NECTIN1: variants seen among roughly 807,000 people sequenced by gnomAD.
NECTIN1 encodes nectin cell adhesion molecule 1.
A neutral mutation model predicts 48.0 loss-of-function variants in NECTIN1; 23 were observed. The ratio of observed to expected loss-of-function variants is 0.48; its 90% confidence interval spans 0.34 to 0.68. NECTIN1 has a LOEUF of 0.68. Among genes scored for constraint, NECTIN1 ranks in the 30% least tolerant of loss-of-function variants. The pLI is 0.01. For missense variants in NECTIN1, 591 were observed against 709.9 expected, an observed-to-expected ratio of 0.83 and a Z score of 1.90; for synonymous variants, 270 against 288.9, an observed-to-expected ratio of 0.93 and a Z score of 0.66.
In NECTIN1 at chr11:119,716,896, TACAC is replaced by T. The variant is rs1865752162; in HGVS notation, c.79+11575_79+11578del. Among the ~76,000 whole-genome samples, 3 of 152,322 alleles carry T rather than the reference TACAC, an allele frequency of 2.0e-5. No homozygotes were observed. The South Asian group carries it at 6.2e-4, about 32-fold the overall frequency. On this transcript the variant is annotated intron_variant, in intron 1 of 5. Transcript: ENST00000264025. ...CACACACACACAGCACGTGACCTCA[TACAC>T]GCACACACACCATAAACCTTCCTCA... is the stretch of plus-strand genomic sequence containing the variant.
chr11:119,639,962 C>T, exon 6 of NECTIN1: 3 of 1,614,066 alleles, frequency 1.9e-6, no homozygotes, highest in Non-Finnish European at 2.5e-6. Flanking sequence ...GCCACGGTGC[C>T]CGCCAGGAGC....
At chr11:119,685,031 C>T (rs912297399) in intron 1 of NECTIN1, among the ~76,000 whole-genome samples, 5 of 152,212 alleles carry the variant, frequency 3.3e-5, no homozygotes, top group Admixed American at 3.3e-4. Flanking sequence ...CAGTTCTTGT[C>T]CTGGTGCTCC....
At chr11:119,715,437 C>T (rs939940720) in intron 1 of NECTIN1, among the ~76,000 whole-genome samples, 1 of 151,626 alleles carries the variant, frequency 6.6e-6, no homozygotes. Context: ...CTCAGTGCAA[C>T]CTCCGCCTCC....
intron 4 of NECTIN1, chr11:119,675,625 A>G (rs1248810270): frequency 3.1e-6 from 1 of 326,952 alleles, no homozygotes; most frequent in African/African-American, 2.1e-5. Flanking sequence ...GCTCCAGCCA[A>G]TTCTCGGGAC....
In NECTIN1 at chr11:119,672,534, A is replaced by G. The variant is rs918586425; in HGVS notation, c.1003+2625T>C. 1.1e-4 allele frequency among the ~76,000 whole-genome samples: 17 copies of G among 152,266 alleles called. No individual in the cohort carries two copies. Among genetic ancestry groups the G allele is most frequent in the African/African-American group, 3.9e-4 (16 of 41,540 alleles). ...TCGGTGCCCCCATCGCCACAGCCACAGCCTGGGCCTGTTGTTTCCCACTAG... is the reference window on the plus strand; with the variant it reads ...TCGGTGCCCCCATCGCCACAGCCACGGCCTGGGCCTGTTGTTTCCCACTAG... On this transcript the variant is annotated intron_variant, in intron 5 of 5. Transcript: ENST00000264025. The surrounding 1 kb of genome is among the most constrained non-coding windows in gnomAD (Gnocchi z 4.3).
chr11:119,692,825 T>C (rs1865281103), intron 1 of NECTIN1, among the ~76,000 whole-genome samples: 1 of 152,238 alleles, frequency 6.6e-6, no homozygotes, highest in East Asian at 1.9e-4. Context: ...ACAGGTGACG[T>C]TCTTCACCAC....
intron 5 of NECTIN1, among the ~76,000 whole-genome samples, chr11:119,643,329 G>A (rs1864351943): frequency 6.6e-6 from 1 of 152,224 alleles, no homozygotes; most frequent in Non-Finnish European, 1.5e-5. Flanking sequence ...TGCCTTTGCT[G>A]ATTTGGGGCA....
rs559112385 is a variant in NECTIN1 at position 119,698,013 on chromosome 11, G to GT, written c.80-19249dup. Among the ~76,000 whole-genome samples, 23 of 152,360 alleles carry GT rather than the reference G, an allele frequency of 1.5e-4. No homozygotes were observed. The South Asian group carries it at 4.8e-3, about 32-fold the overall frequency. On this transcript the variant is annotated intron_variant, in intron 1 of 5. Transcript: ENST00000264025. ...GGGAAAAGAAAGAGCAAAAACCGGG[G>GT]TTTTGGCATGGCAGAGCTCTCAATG... is the stretch of plus-strand genomic sequence containing the variant.
intron 5 of NECTIN1, among the ~76,000 whole-genome samples, chr11:119,644,910 A>G (rs1864375680): frequency 6.6e-6 from 1 of 152,108 alleles, no homozygotes; most frequent in Admixed American, 6.5e-5. Context: ...AATAGGTGAT[A>G]TTAGGTAATA....
intron 1 of NECTIN1, among the ~76,000 whole-genome samples, chr11:119,686,986 C>T (rs1028859768): frequency 6.6e-6 from 1 of 152,164 alleles, no homozygotes; most frequent in Non-Finnish European, 1.5e-5. Flanking sequence ...CAGGGTTAGC[C>T]ATTTCTCAGG....
chr11:119,664,168 G>A lies in NECTIN1; in HGVS notation c.*579C>T, dbSNP rs1591448255. The A allele has an allele frequency of 4.1e-6, 4 of 986,414 alleles. No individual in the cohort carries two copies. The highest frequency in any genetic ancestry group is 1.1e-4 in the East Asian group (1 of 8,806). 61.1% of individuals were successfully genotyped at this position (986,414 alleles called of 1,614,324 possible). On this transcript the variant is annotated 3_prime_UTR_variant, in exon 6 of 6. Transcript: ENST00000264025. ...CCCGCTTAACAAACAAGACTCCCTG[G>A]GAACTGGGGAGAAGCCGCACCCCTC...
chr11:119,700,049 C>T (rs1446240898), intron 1 of NECTIN1, among the ~76,000 whole-genome samples: 1 of 152,194 alleles, frequency 6.6e-6, no homozygotes, highest in African/African-American at 2.4e-5. Flanking sequence ...GGAGAAAAGG[C>T]ACTGTAGCGA....
intron 1 of NECTIN1, among the ~76,000 whole-genome samples, chr11:119,689,059 C>T (rs1295809441): frequency 1.3e-5 from 2 of 152,056 alleles, no homozygotes; most frequent in African/African-American, 2.4e-5. Flanking sequence ...AGTCAGGCAG[C>T]GTCTTCCTTC....
chr11:119,708,247 AG>A (rs1865580574), intron 1 of NECTIN1, among the ~76,000 whole-genome samples: 5 of 152,334 alleles, frequency 3.3e-5, no homozygotes, highest in Admixed American at 3.3e-4. Context: ...GGAAGGGAAC[AG>A]GAGGGGAAGA....
At position 119,673,809 on chromosome 11, in the gene NECTIN1, G is replaced by A. The variant is rs144057546; in HGVS notation, c.1003+1350C>T. On this transcript the variant is annotated intron_variant, in intron 5 of 5. Transcript: ENST00000264025. This position sits in a 1 kb window ranked among gnomAD's most constrained non-coding sequence, Gnocchi z 5.8. ...TTTGAGCTGTACTTGGACCTTCCCC[G>A]CTGGGGAGAAGTGTGTGACACCGGC... 1.7e-3 allele frequency among the ~76,000 whole-genome samples: 265 copies of A among 152,224 alleles called. 4 individuals are homozygous for A. Among genetic ancestry groups the A allele is most frequent in the African/African-American group, 5.8e-3 (243 of 41,544 alleles).
chr11:119,685,443 C>T (rs1405203063), intron 1 of NECTIN1, among the ~76,000 whole-genome samples: 1 of 152,224 alleles, frequency 6.6e-6, no homozygotes, highest in Non-Finnish European at 1.5e-5. Flanking sequence ...TCCAGACAGG[C>T]CAGGCTGGCC....
At chr11:119,641,144 T>G (rs545644171) in intron 5 of NECTIN1, 1 of 152,312 alleles carries the variant, frequency 6.6e-6, no homozygotes, top group African/African-American at 2.4e-5. Flanking sequence ...TTGCAACCCC[T>G]CTCTGGCCTG....
chr11:119,660,921 C>T, downstream of NECTIN1: 3 of 820,326 alleles, frequency 3.7e-6, no homozygotes, highest in Non-Finnish European at 4.4e-6. Flanking sequence ...CCCTCTGTGC[C>T]ATCCCCTCCA....
At chr11:119,716,870 GCA>G (rs146322585) in intron 1 of NECTIN1, among the ~76,000 whole-genome samples, 24 of 152,038 alleles carry the variant, frequency 1.6e-4, no homozygotes, top group South Asian at 1.5e-3. Context: ...ACGCACGCAC[GCA>G]CACACACACA....
Sources: allele counts gnomAD v4.1 joint callset (sites outside exome capture counted in the v4.1 genomes callset), GRCh38; gene constraint gnomAD v4.1.1; non-coding constraint Gnocchi (gnomAD v3.1); transcripts MANE v1.5; gene names NCBI Gene and HGNC (gene_info 2026-07-23, HGNC 2026-07-21).